The following UBE2K variants were observed in gnomAD, a reference collection of about 807,000 sequenced individuals.
UBE2K encodes ubiquitin conjugating enzyme E2 K.
UBE2K carries 6 observed loss-of-function variants against 30.0 expected under a neutral mutation model. The ratio of observed to expected loss-of-function variants is 0.20; its 90% CI spans 0.11 to 0.39. The LOEUF is 0.39. Among genes scored for constraint, UBE2K ranks in the 10% least tolerant of loss-of-function variants. The probability of loss-of-function intolerance (pLI) is 1.00; values close to 1 mark genes in which losing one functional copy is unlikely to be tolerated. For synonymous variants in UBE2K, 86 were observed against 83.7 expected (o/e 1.03, Z -0.15); for missense variants, 61 against 241.6 (o/e 0.25, Z 4.96).
chr4:39,777,675 C>A lies in UBE2K; in HGVS notation c.400-7C>A. 6.5e-7 allele frequency: 1 copy of A among 1,545,916 alleles called. No individual in the cohort carries two copies. Among genetic ancestry groups the A allele is most frequent in the East Asian group, 2.4e-5 (1 of 41,250 alleles). On this transcript the variant is annotated splice_region_variant and splice_polypyrimidine_tract_variant and intron_variant, in intron 5 of 6. Coordinates refer to ENST00000261427, the MANE Select transcript of UBE2K (RefSeq NM_005339.5). ...TGTCATGTCAATCAATTTTTCCCCC[C>A]ATATAGTACAAACAAAATCCCGAAA...
Position 39,772,243 on chromosome 4 carries a change from G to A in UBE2K, c.300-2591G>A, listed in dbSNP as rs1712935644. Among the ~76,000 whole-genome samples the A allele has an allele frequency of 2.0e-5, 3 of 152,006 alleles. No homozygotes were observed. The South Asian group carries it at 6.2e-4, about 32-fold the overall frequency. ...TTTTTCTATTTTGTGGTTCAAATCAGGAACCCAGTTGAAAAAGGCTGGTTT... is the reference window on the plus strand; with the variant it reads ...TTTTTCTATTTTGTGGTTCAAATCAAGAACCCAGTTGAAAAAGGCTGGTTT... On this transcript the variant is annotated intron_variant, in intron 4 of 6. Transcript: ENST00000261427.
At chr4:39,704,966 G>T (rs1193188819) in intron 1 of UBE2K, among the ~76,000 whole-genome samples, 1 of 151,060 alleles carries the variant, frequency 6.6e-6, no homozygotes, top group Non-Finnish European at 1.5e-5. Context: ...CGCCTCCCGG[G>T]TTCAAGCAAT....
Position 39,746,274 on chromosome 4 carries a change from A to G in UBE2K, c.216+464A>G, listed in dbSNP as rs887281990. Among the ~76,000 whole-genome samples the G allele has an allele frequency of 2.6e-5, 4 of 152,002 alleles. No individual in the cohort carries two copies. The South Asian group carries it at 6.2e-4, about 24-fold the overall frequency. ...TCATAGAGCTCACATTATAGTGGGGAAAAAAAACTGAGCATGGAATTGCAA... is the reference window on the plus strand; with the variant it reads ...TCATAGAGCTCACATTATAGTGGGGGAAAAAAACTGAGCATGGAATTGCAA... On this transcript the variant is annotated intron_variant, in intron 3 of 6. Transcript: ENST00000261427.
chr4:39,725,684 CT>C (rs1167441405), intron 1 of UBE2K, among the ~76,000 whole-genome samples: 1 of 152,206 alleles, frequency 6.6e-6, no homozygotes, highest in Non-Finnish European at 1.5e-5. Context: ...CCCCTTCCCC[CT>C]GCCAGAAGCA....
At chr4:39,766,971 G>A (rs1011135648) in intron 4 of UBE2K, among the ~76,000 whole-genome samples, 3 of 152,040 alleles carry the variant, frequency 2.0e-5, no homozygotes, top group East Asian at 1.9e-4. Flanking sequence ...GGCTGGTCTC[G>A]AACTCCTGAC....
chr4:39,762,725 G>T (rs964560921), intron 4 of UBE2K, among the ~76,000 whole-genome samples: 2 of 151,864 alleles, frequency 1.3e-5, no homozygotes, highest in African/African-American at 2.4e-5. Context: ...GCCTCCGCCT[G>T]CTGGGTTCAA....
chr4:39,700,270 T>A (rs1198970019), intron 1 of UBE2K, among the ~76,000 whole-genome samples: 1 of 152,188 alleles, frequency 6.6e-6, no homozygotes, highest in Non-Finnish European at 1.5e-5. Flanking sequence ...AAAAAAACAC[T>A]GCTCTTTATA....
intron 1 of UBE2K, among the ~76,000 whole-genome samples, chr4:39,728,950 A>C (rs1578445240): frequency 6.8e-6 from 1 of 146,230 alleles, no homozygotes; most frequent in South Asian, 2.2e-4. Flanking sequence ...TACAGGCGTG[A>C]GCCACCGCGC....
At chr4:39,726,356 G>A (rs114997095) in intron 1 of UBE2K, among the ~76,000 whole-genome samples, 93 of 152,082 alleles carry the variant, frequency 6.1e-4, no homozygotes, top group African/African-American at 2.1e-3. Context: ...TGAGAAAATA[G>A]CATAATAGAT....
Position 39,727,601 on chromosome 4 carries a change from A to G in UBE2K, c.64-9819A>G, listed in dbSNP as rs1356540591. On this transcript the variant is annotated intron_variant, in intron 1 of 6. Transcript: ENST00000261427. ...ATCTTTTTTTTTTTTTTCCATAAGGATAGAGATGGGCTGGTCTTGAACTCC... is the reference window on the plus strand; with the variant it reads ...ATCTTTTTTTTTTTTTTCCATAAGGGTAGAGATGGGCTGGTCTTGAACTCC... 3.3e-5 allele frequency among the ~76,000 whole-genome samples: 5 copies of G among 150,664 alleles called. No homozygotes were observed. The East Asian group carries it at 7.8e-4, about 23-fold the overall frequency.
intron 4 of UBE2K, among the ~76,000 whole-genome samples, chr4:39,759,579 C>T (rs182002838): frequency 2.6e-5 from 4 of 152,266 alleles, no homozygotes; most frequent in African/African-American, 9.6e-5. Flanking sequence ...CCACTGTGCC[C>T]GGCCCCTGGT....
At chr4:39,716,276 C>CT (rs1473152089) in intron 1 of UBE2K, among the ~76,000 whole-genome samples, 1 of 152,128 alleles carries the variant, frequency 6.6e-6, no homozygotes, top group Non-Finnish European at 1.5e-5. Flanking sequence ...GTCTGTCTGT[C>CT]TATCTATCAT....
rs71194912 is a variant in UBE2K, at chr4:39,757,032, G to GT, written c.299+1303dup. On this transcript the variant is annotated intron_variant, in intron 4 of 6. Transcript: ENST00000261427. ...TTTTGTTTTTTGTTTTTTGTTTTTTGTTTTTTTTTTGAGACAGAGTTTCAC... is the reference window on the plus strand; with the variant it reads ...TTTTGTTTTTTGTTTTTTGTTTTTTGTTTTTTTTTTTGAGACAGAGTTTCAC... Among the ~76,000 whole-genome samples the GT allele has an allele frequency of 6.2e-4, 68 of 108,816 alleles. 12 individuals are homozygous for GT. The South Asian group carries it at 9.0e-3, about 14-fold the overall frequency. The allele number at this position is 108,816 out of a possible 152,430, so 71.4% of individuals were successfully genotyped here.
intron 3 of UBE2K, among the ~76,000 whole-genome samples, chr4:39,751,964 C>G (rs1721280880): frequency 6.6e-6 from 1 of 152,110 alleles, no homozygotes. Flanking sequence ...GAGACTCTGT[C>G]TCAATAAAAG....
At chr4:39,699,856 G>A (rs748967199) in intron 1 of UBE2K, among the ~76,000 whole-genome samples, 1 of 152,096 alleles carries the variant, frequency 6.6e-6, no homozygotes, top group Non-Finnish European at 1.5e-5. Flanking sequence ...CTCTATGTTT[G>A]TTCATATGCC....
chr4:39,699,190 A>G (rs1481087016), intron 1 of UBE2K, among the ~76,000 whole-genome samples: 1 of 152,220 alleles, frequency 6.6e-6, no homozygotes, highest in African/African-American at 2.4e-5. Context: ...ATGTATGAGT[A>G]GCTTATTTCA....
chr4:39,742,934 TACTC>T (rs1220319352), intron 2 of UBE2K, among the ~76,000 whole-genome samples: 4 of 151,868 alleles, frequency 2.6e-5, no homozygotes, highest in African/African-American at 9.7e-5. Context: ...TAAACCCAGT[TACTC>T]AGGAGACTGA....
rs1352205593 is a variant in UBE2K at position 39,779,203 on chromosome 4, T to G, written c.*769T>G. On this transcript the variant is annotated 3_prime_UTR_variant, in exon 7 of 7. Coordinates refer to ENST00000261427, the MANE Select transcript of UBE2K (RefSeq NM_005339.5). ...CCCAGTTCTTCAAACACTCTTAAAT[T>G]TTTCTTAAGTAATGTAAAAATGGAA... The G allele has an allele frequency of 6.6e-6, 1 of 152,182 alleles. No individual in the cohort carries two copies. The highest frequency in any genetic ancestry group is 1.5e-5 in the Non-Finnish European group (1 of 68,036). 9.4% of individuals were successfully genotyped at this position (152,182 alleles called of 1,614,324 possible). A position where few individuals can be genotyped will look rare whatever the true frequency, so the allele number is the denominator to read the frequency against.
chr4:39,753,529 T>C (rs1175900930), intron 3 of UBE2K, among the ~76,000 whole-genome samples: 1 of 152,192 alleles, frequency 6.6e-6, no homozygotes, highest in Non-Finnish European at 1.5e-5. Flanking sequence ...ATGGATACAG[T>C]GTCTTTTAGG....
Sources: gnomAD v4.1 joint callset for allele counts (sites outside exome capture counted in the v4.1 genomes callset) on GRCh38, gnomAD v4.1.1 for gene constraint, MANE v1.5 for transcripts, NCBI Gene and HGNC (gene_info 2026-07-23, HGNC 2026-07-21) for gene names.